The following BLTP3B variants were observed in gnomAD, a reference collection of about 807,000 sequenced individuals.
The protein encoded by BLTP3B is UHRF1 (ICBP90) binding protein 1-like.
the BLTP3B span, among the ~76,000 whole-genome samples, chr12:100,113,194 G>A: frequency 6.6e-6 from 1 of 151,020 alleles, no homozygotes; most frequent in African/African-American, 2.4e-5. Flanking sequence ...ATCTCATCTC[G>A]GCCGGGTGCG....
At chr12:100,141,034 T>C in the BLTP3B span, among the ~76,000 whole-genome samples, 1 of 152,102 alleles carries the variant, frequency 6.6e-6, no homozygotes, top group South Asian at 2.1e-4. Flanking sequence ...ATTCAAATCA[T>C]TTTCTGCAGA....
the BLTP3B span, among the ~76,000 whole-genome samples, chr12:100,055,143 T>C: frequency 0.014 from 2,144 of 152,200 alleles, 18 homozygotes; most frequent in South Asian, 0.042. Context: ...TAAATTTTTT[T>C]AAGAAGACGT....
chr12:100,128,729 C>G, the BLTP3B span: 2 of 1,286,626 alleles, frequency 1.6e-6, no homozygotes, highest in Non-Finnish European at 2.0e-6. Flanking sequence ...GGGAACGCTG[C>G]AGGGAATGGG....
chr12:100,119,193 A>G, the BLTP3B span, among the ~76,000 whole-genome samples: 1 of 152,302 alleles, frequency 6.6e-6, no homozygotes, highest in South Asian at 2.1e-4. Context: ...TACCATTAAC[A>G]TTAGCATAAG....
chr12:100,076,348 G>A, the BLTP3B span, among the ~76,000 whole-genome samples: 4 of 144,452 alleles, frequency 2.8e-5, no homozygotes, highest in African/African-American at 5.1e-5. Flanking sequence ...TTTTTCAATG[G>A]TTTACTTACG....
At chr12:100,109,104 A>G in the BLTP3B span, among the ~76,000 whole-genome samples, 1 of 151,136 alleles carries the variant, frequency 6.6e-6, no homozygotes, top group African/African-American at 2.4e-5. Context: ...TTCTCATGAT[A>G]GTTAGGGAGT....
the BLTP3B span, among the ~76,000 whole-genome samples, chr12:100,091,300 T>C: frequency 1.3e-5 from 2 of 149,148 alleles, no homozygotes; most frequent in Non-Finnish European, 3.0e-5. Flanking sequence ...GCGATTCTCC[T>C]GCCTCAGCCT....
the BLTP3B span, among the ~76,000 whole-genome samples, chr12:100,077,314 A>G: frequency 6.6e-6 from 1 of 152,254 alleles, no homozygotes; most frequent in East Asian, 1.9e-4. Context: ...AGGATATACC[A>G]TACATATAGC....
At chr12:100,103,848 T>G in the BLTP3B span, 1 of 1,298,024 alleles carries the variant, frequency 7.7e-7, no homozygotes, top group Non-Finnish European at 1.0e-6. Flanking sequence ...AAGATTACTA[T>G]GAACAGAGTA....
chr12:100,113,720 G>T, the BLTP3B span, among the ~76,000 whole-genome samples: 4 of 151,966 alleles, frequency 2.6e-5, no homozygotes, highest in Admixed American at 2.6e-4. Flanking sequence ...CACTTTGGGA[G>T]GCCAAGGTAG....
the BLTP3B span, chr12:100,084,726 C>T: frequency 6.9e-7 from 1 of 1,442,360 alleles, no homozygotes; most frequent in East Asian, 2.4e-5. Context: ...TATAGTAATG[C>T]TTCCAATGAG....
At chr12:100,072,949 ATATT>A in the BLTP3B span, 1 of 861,326 alleles carries the variant, frequency 1.2e-6, no homozygotes. Context: ...ACTTTATTAT[ATATT>A]TAACTTCACA....
chr12:100,101,848 G>C, the BLTP3B span, among the ~76,000 whole-genome samples: 19 of 152,254 alleles, frequency 1.2e-4, no homozygotes, highest in South Asian at 3.9e-3. Flanking sequence ...CCATCACCCA[G>C]GCTGCAGTGC....
the BLTP3B span, chr12:100,047,683 A>T: frequency 2.2e-6 from 3 of 1,370,710 alleles, no homozygotes; most frequent in Non-Finnish European, 3.1e-6. Context: ...TCATTCGGTC[A>T]TATTTTTAAT....
chr12:100,086,800 G>A, the BLTP3B span, among the ~76,000 whole-genome samples: 1 of 152,208 alleles, frequency 6.6e-6, no homozygotes, highest in Non-Finnish European at 1.5e-5. Context: ...AGCTAGTTAA[G>A]TGCAAAGCTT....
chr12:100,108,792 G>A, the BLTP3B span, among the ~76,000 whole-genome samples: 2 of 152,124 alleles, frequency 1.3e-5, no homozygotes, highest in Non-Finnish European at 2.9e-5. Flanking sequence ...ACAGTTAAGT[G>A]AAACAAACCA....
chr12:100,109,858 G>A, the BLTP3B span, among the ~76,000 whole-genome samples: 3 of 151,900 alleles, frequency 2.0e-5, no homozygotes, highest in Admixed American at 2.0e-4. Flanking sequence ...GCATACATGC[G>A]TGACTATTTC....
the BLTP3B span, chr12:100,142,766 C>A: frequency 5.1e-6 from 7 of 1,377,768 alleles, no homozygotes; most frequent in Non-Finnish European, 6.8e-6. Context: ...GGGAGAGACC[C>A]AAGGCCCCGG....
chr12:100,123,155 A>G, the BLTP3B span, among the ~76,000 whole-genome samples: 1 of 152,136 alleles, frequency 6.6e-6, no homozygotes, highest in Non-Finnish European at 1.5e-5. Flanking sequence ...AGTCCCTAGC[A>G]GAGTGTCTGA....
Sources: allele counts gnomAD v4.1 joint callset (sites outside exome capture counted in the v4.1 genomes callset), GRCh38; gene constraint gnomAD v4.1.1; transcripts MANE v1.5; gene names NCBI Gene and HGNC (gene_info 2026-07-23, HGNC 2026-07-21).